Variants in MACF1 observed in about 807,000 individuals in gnomAD.
MACF1 encodes microtubule-actin cross-linking factor 1.
Under a neutral mutation model 854.8 loss-of-function variants are expected in MACF1, and 193 were observed. That is an observed-to-expected ratio of 0.23 (90% CI 0.20 to 0.25). The LOEUF is 0.25. Ranked by LOEUF, MACF1 falls within the 10% of genes least tolerant of loss-of-function variation. The pLI, the probability that MACF1 is intolerant of heterozygous loss-of-function variation, is 1.00. For missense variants in MACF1, 7,722 were observed against 8,929.1 expected, an observed-to-expected ratio of 0.86 and a Z score of 5.45; for synonymous variants, 3,185 against 3,226.7, an observed-to-expected ratio of 0.99 and a Z score of 0.44.
At chr1:39,212,770 G>A (rs1470711122) in intron 1 of MACF1, among the ~76,000 whole-genome samples, 1 of 152,134 alleles carries the variant, frequency 6.6e-6, no homozygotes, top group Non-Finnish European at 1.5e-5. Flanking sequence ...TTACAGGCAT[G>A]TGCCGCCATG....
At chr1:39,363,217 A>C (rs1172679366) in intron 49 of MACF1, among the ~76,000 whole-genome samples, 1 of 152,128 alleles carries the variant, frequency 6.6e-6, no homozygotes, top group Non-Finnish European at 1.5e-5. Flanking sequence ...TGTTGATTAA[A>C]CTTATTTTTA....
intron 23 of MACF1, among the ~76,000 whole-genome samples, 193 bp downstream of exon 23, chr1:39,303,271 A>T (rs953424020): frequency 6.6e-6 from 1 of 152,238 alleles, no homozygotes; most frequent in Non-Finnish European, 1.5e-5. Context: ...ACTTCTGTTC[A>T]GCTGGAGTAT....
At chr1:39,323,156 A>G in intron 33 of MACF1, 148 bp downstream of exon 33, 2 of 702,850 alleles carry the variant, frequency 2.8e-6, no homozygotes, top group East Asian at 2.6e-5. Flanking sequence ...CATGGGTGAC[A>G]TAGGGAAATC....
intron 2 of MACF1, among the ~76,000 whole-genome samples, chr1:39,135,490 G>A (rs969390470): frequency 6.6e-6 from 1 of 151,882 alleles, no homozygotes; most frequent in Non-Finnish European, 1.5e-5. Flanking sequence ...CACCTGTTTC[G>A]GCCTCCCTAA....
intron 58 of MACF1, among the ~76,000 whole-genome samples, chr1:39,415,525 ATTTTTTTT>A (rs552780376): frequency 7.4e-6 from 1 of 134,540 alleles, no homozygotes; most frequent in African/African-American, 2.7e-5. Context: ...TATATATATA[ATTTTTTTT>A]TTTTTTTTTT....
At chr1:39,133,991 T>C (rs1454179237) in intron 2 of MACF1, among the ~76,000 whole-genome samples, 1 of 151,350 alleles carries the variant, frequency 6.6e-6, no homozygotes, top group Admixed American at 6.6e-5. Context: ...GCCAGGTATT[T>C]GCTGCATTTA....
At chr1:39,090,719 G>A (rs910542920) in intron 2 of MACF1, among the ~76,000 whole-genome samples, 3 of 152,196 alleles carry the variant, frequency 2.0e-5, no homozygotes, top group Admixed American at 2.0e-4. Flanking sequence ...GTTACTTTGG[G>A]GACTGTGGAA....
chr1:39,207,942 T>C (rs1440080938), intron 1 of MACF1, among the ~76,000 whole-genome samples: 5 of 151,990 alleles, frequency 3.3e-5, no homozygotes, highest in Non-Finnish European at 5.9e-5. Context: ...GAGACCAGCC[T>C]GGTCAACATG....
chr1:39,235,332 C>G (rs935129777), intron 2 of MACF1, among the ~76,000 whole-genome samples: 1 of 152,238 alleles, frequency 6.6e-6, no homozygotes, highest in Non-Finnish European at 1.5e-5. Flanking sequence ...AGCGAAACCC[C>G]GTCTCCACCA....
intron 53 of MACF1, 142 bp from the exon 54 acceptor site, chr1:39,379,061 G>T (rs1335680207): frequency 5.5e-6 from 5 of 902,250 alleles, no homozygotes; most frequent in Non-Finnish European, 8.3e-6. Context: ...TATATAAATG[G>T]GAACTTTTGT....
chr1:39,282,214 G>A lies in MACF1; in HGVS notation c.535G>A (p.Asp179Asn), dbSNP rs1645562687. 1 of 1,613,568 alleles carries A rather than the reference G, an allele frequency of 6.2e-7. No homozygotes were observed. Among genetic ancestry groups the A allele is most frequent in the Non-Finnish European group, 8.5e-7 (1 of 1,179,734 alleles). Residue 179 changes from aspartate to asparagine, a missense_variant, in exon 7 of 101, where the codon GAC (aspartate) becomes AAC (asparagine). Asp to Asn is a conservative substitution (Grantham distance 23). Transcript: ENST00000564288. ...WTIILHFQIS[D>N]IYISGESGDM... is the part of the protein sequence containing the mutation. ...GTGTCCCATCTTTTGGCAGATCTCT[G>A]ACATCTACATTAGTGGAGAATCAGG...
At chr1:39,190,608 C>T (rs952431298) in intron 2 of MACF1, among the ~76,000 whole-genome samples, 1 of 151,512 alleles carries the variant, frequency 6.6e-6, no homozygotes, top group African/African-American at 2.4e-5. Context: ...CAAAGTACTG[C>T]GATTACAGAC....
rs554613228 is a variant in MACF1, at chr1:39,225,317, C to T, written c.110-5865C>T. ...CTGCAAGCTCCGCTTCCCGGGTTCA[C>T]GCCATTCTCCTGCCTCAGCCTCCCG... is the stretch of plus-strand genomic sequence containing the variant. On this transcript the variant is annotated intron_variant, in intron 1 of 100. Coordinates refer to ENST00000564288, the MANE Select transcript of MACF1 (RefSeq NM_001394062.1). 1.3e-3 allele frequency among the ~76,000 whole-genome samples: 188 copies of T among 150,138 alleles called. 1 individual carries two copies. Among genetic ancestry groups the T allele is most frequent in the African/African-American group, 4.5e-3 (182 of 40,786 alleles).
At chr1:39,216,248 C>A (rs1201462625) in intron 1 of MACF1, among the ~76,000 whole-genome samples, 1 of 151,994 alleles carries the variant, frequency 6.6e-6, no homozygotes, top group Admixed American at 6.6e-5. Flanking sequence ...TTAAAATATC[C>A]TTTATTTTAT....
intron 2 of MACF1, among the ~76,000 whole-genome samples, chr1:39,108,161 T>G (rs1642295889): frequency 6.6e-6 from 1 of 152,152 alleles, no homozygotes. Flanking sequence ...AAAGGTTCTT[T>G]CAGATAGCTG....
chr1:39,245,515 G>A (rs1370340990), intron 2 of MACF1, among the ~76,000 whole-genome samples: 4 of 152,152 alleles, frequency 2.6e-5, no homozygotes, highest in Non-Finnish European at 5.9e-5. Context: ...CCAACCTCAG[G>A]TGATCTCCCA....
At chr1:39,126,515 C>T (rs559629860) in intron 2 of MACF1, among the ~76,000 whole-genome samples, 8 of 152,230 alleles carry the variant, frequency 5.3e-5, no homozygotes, top group East Asian at 3.9e-4. Flanking sequence ...GGGCCGAGCA[C>T]GGTGGCTCAT....
At position 39,465,091 on chromosome 1, in the gene MACF1, A is replaced by G. The variant is rs779195473; in HGVS notation, c.21754-4A>G. 111 of 1,612,136 alleles carry G rather than the reference A, an allele frequency of 6.9e-5. No individual in the cohort carries two copies. The highest frequency in any genetic ancestry group is 1.4e-4 in the South Asian group (13 of 91,052). The stretch of plus-strand genomic sequence containing the variant: ...CTCCATCCTTTACTCTTTACTGTCT[A>G]TAGTTCTTCCTCGGCAATCAGGTAC... On this transcript the variant is annotated splice_polypyrimidine_tract_variant and splice_region_variant and intron_variant, in intron 94 of 100. Coordinates refer to ENST00000564288, the MANE Select transcript of MACF1 (RefSeq NM_001394062.1).
intron 2 of MACF1, among the ~76,000 whole-genome samples, chr1:39,234,155 A>G (rs1307877267): frequency 6.6e-6 from 1 of 151,084 alleles, no homozygotes; most frequent in Non-Finnish European, 1.5e-5. Context: ...TTTTCTTAGT[A>G]CAGAACAAAA....
Sources: gnomAD v4.1 joint callset for allele counts (sites outside exome capture counted in the v4.1 genomes callset) on GRCh38, gnomAD v4.1.1 for gene constraint, MANE v1.5 for transcripts, NCBI Gene and HGNC (gene_info 2026-07-23, HGNC 2026-07-21) for gene names.